The following EXOC6B variants were observed in gnomAD, a reference collection of about 807,000 sequenced individuals.
EXOC6B encodes the protein SEC15 homolog B.
A neutral mutation model predicts 113.5 loss-of-function variants in EXOC6B; 54 were observed. The ratio of observed to expected loss-of-function variants is 0.48; its 90% CI spans 0.38 to 0.60. The LOEUF is 0.60. Ranked by LOEUF, EXOC6B falls within the 20% of genes least tolerant of loss-of-function variation. The probability of loss-of-function intolerance (pLI) is 0.00; values close to 1 mark genes in which losing one functional copy is unlikely to be tolerated. For synonymous variants in EXOC6B, 357 were observed against 339.0 expected (o/e 1.05, Z -0.58); for missense variants, 797 against 977.5 (o/e 0.82, Z 2.46).
At chr2:72,763,426 T>C (rs1682859198) in intron 1 of EXOC6B, among the ~76,000 whole-genome samples, 1 of 151,906 alleles carries the variant, frequency 6.6e-6, no homozygotes, top group Non-Finnish European at 1.5e-5. Context: ...AACGTGTTTT[T>C]TCTTTTTTTT....
chr2:72,410,798 C>T (rs114015867), intron 18 of EXOC6B, among the ~76,000 whole-genome samples: 2,733 of 151,942 alleles, frequency 0.018, 44 homozygotes, highest in Middle Eastern at 0.038. Context: ...AACATTTATA[C>T]CTACTTTATA....
chr2:72,421,355 C>T (rs1694856700), intron 18 of EXOC6B, among the ~76,000 whole-genome samples: 1 of 152,118 alleles, frequency 6.6e-6, no homozygotes, highest in African/African-American at 2.4e-5. Flanking sequence ...ACTAACCTTC[C>T]AAATTAGGTG....
intron 10 of EXOC6B, among the ~76,000 whole-genome samples, chr2:72,513,872 G>T (rs1159344429): frequency 6.6e-6 from 1 of 151,814 alleles, no homozygotes; most frequent in African/African-American, 2.4e-5. Context: ...AATGAAAAAA[G>T]TCTTTATTAG....
intron 18 of EXOC6B, among the ~76,000 whole-genome samples, chr2:72,458,185 G>A (rs1220980025): frequency 6.6e-6 from 1 of 152,066 alleles, no homozygotes; most frequent in Non-Finnish European, 1.5e-5. Context: ...TTTCAAATAT[G>A]AAAAGAAAAT....
At chr2:72,270,112 C>G (rs1684394075) in intron 20 of EXOC6B, among the ~76,000 whole-genome samples, 1 of 152,052 alleles carries the variant, frequency 6.6e-6, no homozygotes, top group East Asian at 1.9e-4. Context: ...GTATTTTAGG[C>G]TCACAGAAAT....
At position 72,571,995 on chromosome 2, in the gene EXOC6B, G is replaced by A. The variant is rs74668123; in HGVS notation, c.846+3497C>T. ...GAAAGGGTAAAAAGTTCTTCACAGAGTAAAGAAAGTACCTAAACTTGTTAA... is the reference window on the plus strand; with the variant it reads ...GAAAGGGTAAAAAGTTCTTCACAGAATAAAGAAAGTACCTAAACTTGTTAA... On this transcript the variant is annotated intron_variant, in intron 7 of 21. Transcript: ENST00000272427. Among the ~76,000 whole-genome samples, 112 of 152,264 alleles carry A rather than the reference G, an allele frequency of 7.4e-4. 1 individual carries two copies. The East Asian group carries it at 0.021, about 28-fold the overall frequency.
intron 20 of EXOC6B, among the ~76,000 whole-genome samples, chr2:72,304,677 T>C (rs942998849): frequency 1.3e-5 from 2 of 152,200 alleles, no homozygotes; most frequent in Non-Finnish European, 2.9e-5. Context: ...GATCAACCTC[T>C]AGTAAAAAAT....
intron 20 of EXOC6B, among the ~76,000 whole-genome samples, chr2:72,252,943 A>C (rs560243219): frequency 7.4e-6 from 1 of 135,680 alleles, no homozygotes. Context: ...TTACATATGG[A>C]AACTGCAGTG....
At chr2:72,419,713 T>C (rs1694754906) in intron 18 of EXOC6B, among the ~76,000 whole-genome samples, 1 of 152,250 alleles carries the variant, frequency 6.6e-6, no homozygotes, top group Admixed American at 6.5e-5. Context: ...GTCACTTATC[T>C]CTTGCTACTT....
intron 1 of EXOC6B, among the ~76,000 whole-genome samples, chr2:72,800,294 T>G (rs1292248441): frequency 6.6e-6 from 1 of 152,162 alleles, no homozygotes; most frequent in African/African-American, 2.4e-5. Context: ...TTTTTTGAGA[T>G]AAGCACTATT....
chr2:72,439,275 G>T (rs1696057190), intron 18 of EXOC6B, among the ~76,000 whole-genome samples: 1 of 152,126 alleles, frequency 6.6e-6, no homozygotes, highest in Non-Finnish European at 1.5e-5. Flanking sequence ...TTTGAATGCT[G>T]CCCTGTCTAT....
intron 8 of EXOC6B, among the ~76,000 whole-genome samples, chr2:72,549,889 C>T (rs1255252922): frequency 6.6e-6 from 1 of 152,082 alleles, no homozygotes; most frequent in Non-Finnish European, 1.5e-5. Flanking sequence ...ATTAGAAAAA[C>T]ATACTGTAAA....
At chr2:72,264,223 T>G (rs1683908349) in intron 20 of EXOC6B, among the ~76,000 whole-genome samples, 1 of 152,184 alleles carries the variant, frequency 6.6e-6, no homozygotes, top group African/African-American at 2.4e-5. Flanking sequence ...CCAGAGTCTC[T>G]TCTTTCTATA....
intron 18 of EXOC6B, among the ~76,000 whole-genome samples, chr2:72,432,585 CTGT>C (rs1398100845): frequency 1.3e-5 from 2 of 152,166 alleles, no homozygotes; most frequent in Non-Finnish European, 2.9e-5. Flanking sequence ...TCTCTAGCAT[CTGT>C]TGTTTCCTGA....
intron 6 of EXOC6B, among the ~76,000 whole-genome samples, chr2:72,676,988 A>C (rs567969218): frequency 6.6e-6 from 1 of 152,366 alleles, no homozygotes; most frequent in East Asian, 1.9e-4. Flanking sequence ...TGAGAGATAC[A>C]TGAGAGTGAT....
chr2:72,656,822 T>C (rs985768980), intron 6 of EXOC6B, among the ~76,000 whole-genome samples: 2 of 152,168 alleles, frequency 1.3e-5, no homozygotes, highest in Non-Finnish European at 2.9e-5. Flanking sequence ...AATATAAACA[T>C]ACACTAAATA....
At chr2:72,671,771 G>GAAAGAAAGAAAGAAAGAA (rs1675840896) in intron 6 of EXOC6B, among the ~76,000 whole-genome samples, 5 of 88,262 alleles carry the variant, frequency 5.7e-5, no homozygotes, top group African/African-American at 2.8e-4. Flanking sequence ...AAGAAAGAAA[G>GAAAGAAAGAAAGAAAGAA]AAAGAAAGAA....
intron 8 of EXOC6B, among the ~76,000 whole-genome samples, chr2:72,546,163 T>A (rs920574969): frequency 3.3e-5 from 5 of 152,156 alleles, no homozygotes; most frequent in African/African-American, 9.7e-5. Flanking sequence ...TATAAAGAGA[T>A]TATGGCCAGG....
At position 72,825,346 on chromosome 2, in the gene EXOC6B, G is replaced by A. The variant is rs1264401175; in HGVS notation, c.113+452C>T. 6.6e-6 allele frequency among the ~76,000 whole-genome samples: 1 copy of A among 152,210 alleles called. No individual in the cohort carries two copies. Among genetic ancestry groups the A allele is most frequent in the Non-Finnish European group, 1.5e-5 (1 of 68,040 alleles). ...AGGGACTCGTTTCTGAGAAGTGGCT[G>A]TGATTCTGAGGCAAGACTTTGATTT... On this transcript the variant is annotated intron_variant, in intron 1 of 21. Coordinates refer to ENST00000272427, the MANE Select transcript of EXOC6B (RefSeq NM_015189.3). This position sits in a 1 kb window ranked among gnomAD's most constrained non-coding sequence, Gnocchi z 4.4.
Sources: allele counts gnomAD v4.1 joint callset (sites outside exome capture counted in the v4.1 genomes callset), GRCh38; gene constraint gnomAD v4.1.1; non-coding constraint Gnocchi (gnomAD v3.1); transcripts MANE v1.5; gene names NCBI Gene and HGNC (gene_info 2026-07-23, HGNC 2026-07-21).